CYFIP1: variants seen among roughly 807,000 people sequenced by gnomAD.
The protein encoded by CYFIP1 is cytoplasmic FMR1-interacting protein 1.
In CYFIP1, 58 loss-of-function variants were observed where a neutral mutation model predicts 163.5. The observed-to-expected ratio is 0.35, with a 90% CI of 0.29 to 0.44. CYFIP1 has a LOEUF of 0.44. Ranked by LOEUF, CYFIP1 falls within the 20% of genes least tolerant of loss-of-function variation. The pLI is 1.00. For synonymous variants in CYFIP1, 663 were observed against 660.7 expected, an observed-to-expected ratio of 1.00 and a Z score of -0.05; for missense variants, 1,338 against 1,653.8, an observed-to-expected ratio of 0.81 and a Z score of 3.31.
intron 1 of CYFIP1, among the ~76,000 whole-genome samples, chr15:22,950,393 C>G (rs993883533): frequency 1.2e-4 from 18 of 152,208 alleles, no homozygotes; most frequent in African/African-American, 3.4e-4. Context: ...AGGAACTCAT[C>G]AGAGAGAGAG....
At chr15:22,957,058 C>T (rs557727027) in intron 1 of CYFIP1, among the ~76,000 whole-genome samples, 43 of 152,354 alleles carry the variant, frequency 2.8e-4, no homozygotes, top group African/African-American at 5.5e-4. Context: ...AATGCAGAAG[C>T]GAAGGCGTCG....
intron 1 of CYFIP1, among the ~76,000 whole-genome samples, chr15:22,973,092 C>T (rs994186670): frequency 2.6e-5 from 4 of 152,148 alleles, no homozygotes; most frequent in East Asian, 1.9e-4. Flanking sequence ...GCCAAGATCG[C>T]GCCACTGCTC....
chr15:22,951,554 G>T, intron 1 of CYFIP1: 1 of 1,287,038 alleles, frequency 7.8e-7, no homozygotes. Flanking sequence ...CCAGCCCAGA[G>T]TCCCGCAGTC....
At chr15:22,919,585 C>G (rs1224253933) in intron 13 of CYFIP1, among the ~76,000 whole-genome samples, 2 of 152,312 alleles carry the variant, frequency 1.3e-5, no homozygotes, top group Non-Finnish European at 2.9e-5. Context: ...CACACTTACC[C>G]CAAGTCCACC....
chr15:22,906,019 A>G (rs1018790454), intron 21 of CYFIP1, among the ~76,000 whole-genome samples: 3 of 152,042 alleles, frequency 2.0e-5, no homozygotes, highest in Non-Finnish European at 4.4e-5. Flanking sequence ...TCAGTCTCCC[A>G]AAGTGCTGGG....
In CYFIP1 at chr15:22,938,534, G is replaced by A. The variant is rs190107448; in HGVS notation, c.795+658C>T. On this transcript the variant is annotated intron_variant, in intron 8 of 30. Transcript: ENST00000617928. Reference sequence around the variant, plus strand: ...GCAGAAAGATCACTTGAGCCAAGGAGGTCAAGGCTATAGTGAGCTGTGTCC... The same window carrying A: ...GCAGAAAGATCACTTGAGCCAAGGAAGTCAAGGCTATAGTGAGCTGTGTCC... Among the ~76,000 whole-genome samples the A allele has an allele frequency of 3.7e-3, 564 of 152,176 alleles. 8 individuals are homozygous for A. Among genetic ancestry groups the A allele is most frequent in the African/African-American group, 0.013 (542 of 41,474 alleles).
intron 9 of CYFIP1, among the ~76,000 whole-genome samples, chr15:22,934,386 T>C (rs2142245555): frequency 1.3e-5 from 2 of 149,538 alleles, no homozygotes; most frequent in South Asian, 4.2e-4. Flanking sequence ...TGGGATTCAC[T>C]GTGTTAGCCA....
chr15:22,914,023 C>A (rs1166407955), intron 17 of CYFIP1, among the ~76,000 whole-genome samples: 1 of 152,226 alleles, frequency 6.6e-6, no homozygotes, highest in Admixed American at 6.5e-5. Context: ...ACACCCTTTT[C>A]CAAACACTTT....
intron 23 of CYFIP1, among the ~76,000 whole-genome samples, chr15:22,885,658 G>T (rs2059908520): frequency 1.3e-5 from 2 of 152,138 alleles, no homozygotes; most frequent in Non-Finnish European, 2.9e-5. Context: ...ATTTGAACCT[G>T]GGAGGCGGAG....
chr15:22,873,087 A>G, intron 29 of CYFIP1, 115 bp from the exon 30 acceptor site: 1 of 1,171,912 alleles, frequency 8.5e-7, no homozygotes, highest in Non-Finnish European at 1.2e-6. Context: ...CTGTGCCTAC[A>G]CAGTCACCTT....
intron 13 of CYFIP1, among the ~76,000 whole-genome samples, chr15:22,920,901 A>G (rs901277084): frequency 4.6e-5 from 7 of 152,216 alleles, no homozygotes; most frequent in African/African-American, 1.7e-4. Context: ...AGTGAACATA[A>G]CAATCCTACA....
At chr15:22,910,393 C>G in intron 20 of CYFIP1, 127 bp downstream of exon 20, 1 of 702,836 alleles carries the variant, frequency 1.4e-6, no homozygotes, top group Non-Finnish European at 2.4e-6. Flanking sequence ...AACTCCTAAC[C>G]TCAGGTGATC....
intron 22 of CYFIP1, among the ~76,000 whole-genome samples, chr15:22,894,536 C>T (rs1441477015): frequency 6.6e-6 from 1 of 151,196 alleles, no homozygotes; most frequent in Non-Finnish European, 1.5e-5. Flanking sequence ...GTGATCCGCC[C>T]ACCTTGGCCT....
Position 22,917,533 on chromosome 15 carries a change from G to A in CYFIP1, c.1674+255C>T. The A allele has an allele frequency of 1.8e-6, 1 of 551,496 alleles. No homozygotes were observed. The highest frequency in any genetic ancestry group is 3.0e-6 in the Non-Finnish European group (1 of 327,876). The allele number at this position is 551,496 out of a possible 1,614,324, so 34.2% of individuals were successfully genotyped here. On this transcript the variant is annotated intron_variant, in intron 15 of 30. Transcript: ENST00000617928. The surrounding 1 kb of genome is among the most constrained non-coding windows in gnomAD (Gnocchi z 4.2). ...CACGTGGACTTGTGCCCACATTTTT[G>A]GGATGGGAGTTGAAATGGAGTCAGA...
At chr15:22,963,910 A>G (rs541363786) in intron 1 of CYFIP1, among the ~76,000 whole-genome samples, 1 of 152,174 alleles carries the variant, frequency 6.6e-6, no homozygotes, top group Non-Finnish European at 1.5e-5. Flanking sequence ...CCCCGGGAAT[A>G]AACATCAGTG....
In CYFIP1 at chr15:22,868,509, A is replaced by G. The variant is rs2059309288; in HGVS notation, c.*1519T>C. On this transcript the variant is annotated 3_prime_UTR_variant, in exon 31 of 31. Coordinates refer to ENST00000617928, the MANE Select transcript of CYFIP1 (RefSeq NM_014608.6). ...TTTTCATCCTATTCTGTAGTTTCTA[A>G]GATAAGCACAGCTACCACCTCTAAA... 6.6e-6 allele frequency: 1 copy of G among 152,152 alleles called. No homozygotes were observed. Among genetic ancestry groups the G allele is most frequent in the African/African-American group, 2.4e-5 (1 of 41,400 alleles). The allele number at this position is 152,152 out of a possible 1,614,324, so 9.4% of individuals were successfully genotyped here.
chr15:22,977,469 G>C (rs2140290014), intron 1 of CYFIP1, among the ~76,000 whole-genome samples: 1 of 152,246 alleles, frequency 6.6e-6, no homozygotes, highest in African/African-American at 2.4e-5. Context: ...GCCTCTAAGG[G>C]TTGGCTAAAT....
rs1595555730 is a variant in CYFIP1 at position 22,903,167 on chromosome 15, T to C, written c.2588+539A>G. On this transcript the variant is annotated intron_variant, in intron 22 of 30. Transcript: ENST00000617928. ...GAAGGCATGGTGGGTGACACAGACATGTCCCTGGCACGCGCTGACACTGTA... is the reference window on the plus strand; with the variant it reads ...GAAGGCATGGTGGGTGACACAGACACGTCCCTGGCACGCGCTGACACTGTA... Among the ~76,000 whole-genome samples the C allele has an allele frequency of 4.6e-5, 7 of 152,180 alleles. No individual in the cohort carries two copies. The South Asian group carries it at 1.5e-3, about 32-fold the overall frequency.
At position 22,903,720 on chromosome 15, in the gene CYFIP1, G is replaced by A. The variant is rs376907415; in HGVS notation, c.2574C>T (p.Asn858=). 85 of 1,613,540 alleles carry A rather than the reference G, an allele frequency of 5.3e-5. No homozygotes were observed. Among genetic ancestry groups the A allele is most frequent in the Non-Finnish European group, 6.4e-5 (75 of 1,180,048 alleles). ...GGCACGCTCACCGGTTGGTAGAGCCGTTGTAGCAGTAGTTGGGCAGGAAGT... is the reference window on the plus strand; with the variant it reads ...GGCACGCTCACCGGTTGGTAGAGCCATTGTAGCAGTAGTTGGGCAGGAAGT... ...NYDFLPNYCY[N]GSTNRFVRTV... is the part of the protein sequence containing the mutation. The change falls in exon 22 of 31, where the codon AAC becomes AAT. Residue 858 remains asparagine, a synonymous_variant. Transcript: ENST00000617928.
Sources: gnomAD v4.1 joint callset for allele counts (sites outside exome capture counted in the v4.1 genomes callset) on GRCh38, gnomAD v4.1.1 for gene constraint, Gnocchi (gnomAD v3.1) non-coding constraint, MANE v1.5 for transcripts, NCBI Gene and HGNC (gene_info 2026-07-23, HGNC 2026-07-21) for gene names.